The following TTC34 variants were observed in gnomAD, a reference collection of about 807,000 sequenced individuals.
TTC34 encodes tetratricopeptide repeat protein 34.
Under a neutral mutation model 40.7 loss-of-function variants are expected in TTC34, and 44 were observed. The observed-to-expected ratio is 1.08, with a 90% CI of 0.85 to 1.39. The LOEUF is 1.39. Among genes scored for constraint, TTC34 ranks in the 40% most tolerant of loss-of-function variants. The pLI is 0.00. For missense variants in TTC34, 884 were observed against 838.0 expected, an observed-to-expected ratio of 1.05 and a Z score of -0.68; for synonymous variants, 422 against 398.6, an observed-to-expected ratio of 1.06 and a Z score of -0.70.
chr1:2,801,268 C>T (rs139941747), intron 1 of TTC34, among the ~76,000 whole-genome samples: 12 of 152,174 alleles, frequency 7.9e-5, no homozygotes, highest in African/African-American at 2.9e-4. Flanking sequence ...GGAAGGCACA[C>T]CCCCCGTCAG....
chr1:2,660,170 C>T lies in TTC34; in HGVS notation c.2227-14607G>A, dbSNP rs61761391. On this transcript the variant is annotated intron_variant, in intron 6 of 8. Transcript: ENST00000401095. The stretch of plus-strand genomic sequence containing the variant: ...ACACCCCCAGGTGGGCATCTGATGG[C>T]CTGGAACAGCACCCACACCCCCAGG... Among the ~76,000 whole-genome samples the T allele has an allele frequency of 1.3e-3, 31 of 23,326 alleles. 1 individual carries two copies. Among genetic ancestry groups the T allele is most frequent in the South Asian group, 2.3e-3 (1 of 438 alleles). 15.3% of individuals were successfully genotyped at this position (23,326 alleles called of 152,430 possible). A position where few individuals can be genotyped will look rare whatever the true frequency, so the allele number is the denominator to read the frequency against.
Position 2,749,921 on chromosome 1 carries a change from A to G in TTC34, c.2226+33688T>C, listed in dbSNP as rs1641261324. ...CATCTGACAGCCTGGGTCGGCACCC[A>G]CAACCCCAGGCGAGCATCTGACGGC... On this transcript the variant is annotated intron_variant, in intron 6 of 8. Transcript: ENST00000401095. Among the ~76,000 whole-genome samples the G allele has an allele frequency of 2.8e-4, 26 of 93,456 alleles. 3 individuals are homozygous for G. Among genetic ancestry groups the G allele is most frequent in the African/African-American group, 1.3e-3 (25 of 19,516 alleles). 61.3% of individuals were successfully genotyped at this position (93,456 alleles called of 152,430 possible).
chr1:2,656,404 C>G (rs1191814915), intron 6 of TTC34, among the ~76,000 whole-genome samples: 3 of 6,454 alleles, frequency 4.6e-4, no homozygotes, highest in African/African-American at 1.0e-3. Context: ...CAGCATGTAA[C>G]AGCACCCACA....
chr1:2,760,356 C>G (rs1641656648), intron 6 of TTC34, among the ~76,000 whole-genome samples: 1 of 42,928 alleles, frequency 2.3e-5, no homozygotes, highest in Admixed American at 2.2e-4. Flanking sequence ...TGGAACAGCA[C>G]CCCACACCCC....
intron 6 of TTC34, among the ~76,000 whole-genome samples, chr1:2,752,888 C>T (rs1641371318): frequency 1.3e-5 from 2 of 151,408 alleles, no homozygotes; most frequent in African/African-American, 2.4e-5. Flanking sequence ...TGGAACGGCA[C>T]CCACACCCCC....
intron 6 of TTC34, among the ~76,000 whole-genome samples, chr1:2,655,826 C>G (rs1213167350): frequency 6.6e-6 from 1 of 152,230 alleles, no homozygotes; most frequent in Non-Finnish European, 1.5e-5. Flanking sequence ...CACAGGTGAA[C>G]ATCGGAGAGT....
intron 6 of TTC34, among the ~76,000 whole-genome samples, chr1:2,782,822 G>A (rs542635427): frequency 6.6e-6 from 1 of 152,316 alleles, no homozygotes; most frequent in African/African-American, 2.4e-5. Context: ...GGCTGCGGTT[G>A]CTTAGCTGGA....
intron 6 of TTC34, among the ~76,000 whole-genome samples, chr1:2,777,185 C>G (rs1643233790): frequency 1.0e-5 from 1 of 97,388 alleles, no homozygotes; most frequent in Non-Finnish European, 2.0e-5. Flanking sequence ...AGGTGAGCAT[C>G]TGACAGCCTG....
chr1:2,700,205 CCGA>C (rs1557633541), intron 6 of TTC34, among the ~76,000 whole-genome samples: 10 of 82,876 alleles, frequency 1.2e-4, no homozygotes, highest in African/African-American at 3.5e-4. Context: ...TGGAGCAGCG[CCGA>C]CCCCCCCAGG....
At chr1:2,790,275 C>A in exon 3 of TTC34, 1 of 398,474 alleles carries the variant, frequency 2.5e-6, no homozygotes, top group African/African-American at 2.1e-5. Flanking sequence ...TTCCAAAACA[C>A]GTCCTGGGCC....
chr1:2,677,015 G>A (rs1177695117), intron 6 of TTC34, among the ~76,000 whole-genome samples: 3 of 120,040 alleles, frequency 2.5e-5, no homozygotes, highest in East Asian at 2.3e-4. Flanking sequence ...ACCACTCCCA[G>A]GCCAGCATCC....
chr1:2,647,512 TAGTCCC>T (rs1183270363), intron 6 of TTC34, among the ~76,000 whole-genome samples: 1 of 152,190 alleles, frequency 6.6e-6, no homozygotes, highest in Non-Finnish European at 1.5e-5. Context: ...TGGGTGCCTG[TAGTCCC>T]AGCTACTCAG....
At chr1:2,675,162 C>A (rs1465711581) in intron 6 of TTC34, among the ~76,000 whole-genome samples, 1 of 137,590 alleles carries the variant, frequency 7.3e-6, no homozygotes, top group African/African-American at 2.7e-5. Context: ...CACCCACACC[C>A]CCAGGGGAGC....
rs1467512408 is a variant in TTC34, at chr1:2,752,857, C to G, written c.2226+30752G>C. ...ACAGACTGGAACAGCACCCACACAC[C>G]CAGGCGAGCATCTGATGGCCTGGAA... On this transcript the variant is annotated intron_variant, in intron 6 of 8. Transcript: ENST00000401095. Among the ~76,000 whole-genome samples, 432 of 68,298 alleles carry G rather than the reference C, an allele frequency of 6.3e-3. 2 individuals carry two copies. The highest frequency in any genetic ancestry group is 0.01 in the African/African-American group (175 of 17,102). The allele number at this position is 68,298 out of a possible 152,430, so 44.8% of individuals were successfully genotyped here.
intron 6 of TTC34, among the ~76,000 whole-genome samples, chr1:2,775,786 C>T (rs1334045434): frequency 6.8e-6 from 1 of 146,444 alleles, no homozygotes; most frequent in East Asian, 2.0e-4. Context: ...GATCAACACT[C>T]GAATCTTCAG....
chr1:2,688,734 C>G (rs75545965), intron 6 of TTC34, among the ~76,000 whole-genome samples: 1 of 125,878 alleles, frequency 7.9e-6, no homozygotes, highest in Non-Finnish European at 1.6e-5. Flanking sequence ...GGGCACACCC[C>G]CAGGTGAGGA....
intron 6 of TTC34, among the ~76,000 whole-genome samples, chr1:2,756,015 G>C (rs1447738879): frequency 2.4e-4 from 19 of 78,050 alleles, no homozygotes; most frequent in African/African-American, 7.8e-4. Flanking sequence ...CCCTGAAACA[G>C]CACACACACC....
chr1:2,791,680 C>T (rs916213466), intron 2 of TTC34, among the ~76,000 whole-genome samples: 6 of 152,148 alleles, frequency 3.9e-5, no homozygotes, highest in African/African-American at 1.4e-4. Context: ...GCTACTGACC[C>T]TTGAACACAA....
At chr1:2,749,140 CAGCCTGGAACAGCAAACTGCACA>C (rs1641237725) in intron 6 of TTC34, among the ~76,000 whole-genome samples, 1 of 19,378 alleles carries the variant, frequency 5.2e-5, no homozygotes, top group Admixed American at 5.1e-4. Context: ...GAGCATCTGA[CAGCCTGGAACAGCAAACTGCACA>C]CCCAGGTGAG....
Sources: allele counts gnomAD v4.1 joint callset (sites outside exome capture counted in the v4.1 genomes callset), GRCh38; gene constraint gnomAD v4.1.1; transcripts MANE v1.5; gene names NCBI Gene and HGNC (gene_info 2026-07-23, HGNC 2026-07-21).